Variants in KCNIP4 observed in about 807,000 individuals in gnomAD.
The protein encoded by KCNIP4 is Kv channel-interacting protein 4.
In KCNIP4, 12 loss-of-function variants were observed where a neutral mutation model predicts 34.0. The ratio of observed to expected loss-of-function variants is 0.35; its 90% CI spans 0.23 to 0.57. The LOEUF is 0.57. Ranked by LOEUF, KCNIP4 falls within the 20% of genes least tolerant of loss-of-function variation. The pLI is 0.83. For synonymous variants in KCNIP4, 124 were observed against 102.2 expected (o/e 1.21, Z -1.29); for missense variants, 238 against 311.7 (o/e 0.76, Z 1.78).
chr4:20,745,418 A>G (rs1377137884), intron 5 of KCNIP4, among the ~76,000 whole-genome samples: 3 of 152,168 alleles, frequency 2.0e-5, no homozygotes, highest in Non-Finnish European at 2.9e-5. Context: ...AACAGGAATG[A>G]TATCTTTTCG....
intron 1 of KCNIP4, among the ~76,000 whole-genome samples, chr4:20,962,840 C>A (rs1160699543): frequency 1.3e-5 from 2 of 152,226 alleles, no homozygotes; most frequent in Non-Finnish European, 2.9e-5. Context: ...TCTAAAAGCC[C>A]TAAAGTGTTG....
intron 1 of KCNIP4, among the ~76,000 whole-genome samples, chr4:21,118,780 G>T (rs1441444958): frequency 2.0e-5 from 3 of 151,304 alleles, no homozygotes; most frequent in Admixed American, 2.0e-4. Context: ...ATGTGTGTAG[G>T]AAGGGGGAAG....
At chr4:21,400,378 C>A (rs1216107516) in intron 1 of KCNIP4, among the ~76,000 whole-genome samples, 2 of 151,874 alleles carry the variant, frequency 1.3e-5, no homozygotes, top group Admixed American at 1.3e-4. Context: ...TTGAGCTAGA[C>A]CTTGGTGGAG....
intron 1 of KCNIP4, among the ~76,000 whole-genome samples, chr4:20,901,969 T>C (rs186140891): frequency 9.7e-4 from 147 of 152,270 alleles, no homozygotes; most frequent in African/African-American, 3.3e-3. Flanking sequence ...AATACTATCA[T>C]AGAGACCTGC....
chr4:20,766,812 T>C (rs907538716), intron 3 of KCNIP4: 7 of 152,176 alleles, frequency 4.6e-5, no homozygotes, highest in African/African-American at 1.7e-4. Flanking sequence ...TAGAGGAATC[T>C]AGTGCAGTGC....
chr4:21,270,278 G>A (rs1209917231), intron 1 of KCNIP4, among the ~76,000 whole-genome samples: 3 of 152,138 alleles, frequency 2.0e-5, no homozygotes, highest in East Asian at 3.9e-4. Context: ...AGCTGCTTTG[G>A]TTAAGGAAGG....
intron 1 of KCNIP4, among the ~76,000 whole-genome samples, chr4:21,764,983 C>T (rs1718309093): frequency 6.6e-6 from 1 of 151,934 alleles, no homozygotes; most frequent in Non-Finnish European, 1.5e-5. Context: ...CTATGAGACC[C>T]ATATCACAGC....
chr4:21,085,014 A>T (rs1275246615), intron 1 of KCNIP4, among the ~76,000 whole-genome samples: 2 of 152,024 alleles, frequency 1.3e-5, no homozygotes, highest in Admixed American at 6.6e-5. Flanking sequence ...CATTAAATAC[A>T]CATATATTCT....
intron 1 of KCNIP4, among the ~76,000 whole-genome samples, chr4:21,879,751 G>A (rs1726356340): frequency 1.3e-5 from 2 of 151,600 alleles, no homozygotes; most frequent in Admixed American, 1.3e-4. Context: ...CTATTGATAT[G>A]GTTTCGCTGT....
At chr4:21,604,460 A>G (rs1364838553) in intron 1 of KCNIP4, among the ~76,000 whole-genome samples, 1 of 152,198 alleles carries the variant, frequency 6.6e-6, no homozygotes, top group Non-Finnish European at 1.5e-5. Flanking sequence ...TAAAAGACTT[A>G]TTAAACATTG....
At chr4:21,442,157 C>T (rs941229946) in intron 1 of KCNIP4, among the ~76,000 whole-genome samples, 3 of 152,166 alleles carry the variant, frequency 2.0e-5, no homozygotes, top group African/African-American at 7.2e-5. Flanking sequence ...CCTCCAGAAC[C>T]TGCCAGTGAA....
intron 1 of KCNIP4, among the ~76,000 whole-genome samples, chr4:21,491,395 G>A (rs1295119964): frequency 6.6e-6 from 1 of 152,104 alleles, no homozygotes; most frequent in African/African-American, 2.4e-5. Flanking sequence ...TTGTTTGTTT[G>A]AGACAAGATC....
chr4:21,093,109 C>T (rs1445881665), intron 1 of KCNIP4, among the ~76,000 whole-genome samples: 1 of 152,196 alleles, frequency 6.6e-6, no homozygotes, highest in Non-Finnish European at 1.5e-5. Flanking sequence ...CCACCATAAA[C>T]ACTTCTGAGA....
chr4:20,895,106 T>G (rs1430766205), intron 1 of KCNIP4, among the ~76,000 whole-genome samples: 1 of 152,206 alleles, frequency 6.6e-6, no homozygotes, highest in East Asian at 1.9e-4. Context: ...CATTCTGACT[T>G]CTGTACTGCA....
chr4:21,505,394 A>C (rs1733758309), intron 1 of KCNIP4, among the ~76,000 whole-genome samples: 2 of 152,204 alleles, frequency 1.3e-5, no homozygotes. Context: ...TGACAGTCCC[A>C]TTAGACAATA....
chr4:21,616,940 C>T (rs769089668), intron 1 of KCNIP4, among the ~76,000 whole-genome samples: 12 of 152,044 alleles, frequency 7.9e-5, no homozygotes, highest in Admixed American at 2.0e-4. Context: ...CAAAATTCAC[C>T]CCATAACAGT....
At chr4:21,346,918 G>T (rs983812754) in intron 1 of KCNIP4, among the ~76,000 whole-genome samples, 5 of 152,098 alleles carry the variant, frequency 3.3e-5, no homozygotes, top group Admixed American at 3.3e-4. Context: ...AAATCAACAT[G>T]ATATTTAATA....
intron 3 of KCNIP4, among the ~76,000 whole-genome samples, chr4:20,768,795 T>C (rs541420155): frequency 3.5e-4 from 53 of 152,260 alleles, no homozygotes; most frequent in African/African-American, 1.2e-3. Context: ...CTGAACACAC[T>C]TCTGGGGTCA....
At chr4:21,030,908 C>G (rs1740967172) in intron 1 of KCNIP4, among the ~76,000 whole-genome samples, 1 of 152,166 alleles carries the variant, frequency 6.6e-6, no homozygotes, top group African/African-American at 2.4e-5. Flanking sequence ...CCTTGACCCA[C>G]TCTGGAAGCC....
Sources: allele counts gnomAD v4.1 joint callset (sites outside exome capture counted in the v4.1 genomes callset), GRCh38; gene constraint gnomAD v4.1.1; transcripts MANE v1.5; gene names NCBI Gene and HGNC (gene_info 2026-07-23, HGNC 2026-07-21).